The following PHLDB3 variants were observed in gnomAD, a reference collection of about 807,000 sequenced individuals.
PHLDB3 encodes the protein pleckstrin homology like domain family B member 3.
Under a neutral mutation model 85.7 loss-of-function variants are expected in PHLDB3, and 86 were observed. The ratio of observed to expected loss-of-function variants is 1.00; its 90% CI spans 0.84 to 1.20. The LOEUF is 1.20. Among genes scored for constraint, PHLDB3 ranks in the 50% most tolerant of loss-of-function variants. The pLI is 0.00. For synonymous variants in PHLDB3, 376 were observed against 349.8 expected (o/e 1.07, Z -0.83); for missense variants, 995 against 873.0 (o/e 1.14, Z -1.76).
chr19:43,477,515 TA>T (rs144903376), intron 15 of PHLDB3, among the ~76,000 whole-genome samples: 25,626 of 114,180 alleles, frequency 0.22, 2,585 homozygotes, highest in East Asian at 0.48. Flanking sequence ...AGACTCCATC[TA>T]AAAAAAAAAA....
intron 12 of PHLDB3, 123 bp from the exon 13 acceptor site, chr19:43,486,445 TGAGG>T (rs1971159181): frequency 1.6e-6 from 2 of 1,248,778 alleles, no homozygotes; most frequent in Non-Finnish European, 2.2e-6. Flanking sequence ...CTCCTGGGTA[TGAGG>T]GAGGATGGGC....
In PHLDB3 at chr19:43,486,649, T is replaced by G; in HGVS notation, c.1388A>C (p.Gln463Pro). 6.2e-7 allele frequency: 1 copy of G among 1,613,968 alleles called. No individual in the cohort carries two copies. The highest frequency in any genetic ancestry group is 8.5e-7 in the Non-Finnish European group (1 of 1,179,872). Residue 463 changes from glutamine (Q) to proline (P), a missense_variant, in exon 12 of 16, where the codon CAG becomes CCG. Transcript: ENST00000292140. Reference sequence around the variant, plus strand: ...CCGCTCCCTCTCCGCCATGGCCTGCTGCAGGAGCCGCTCCATGTGGGCAAT... The same window carrying G: ...CCGCTCCCTCTCCGCCATGGCCTGCGGCAGGAGCCGCTCCATGTGGGCAAT... ...PDIAHMERLL[Q>P]QAMAERERLL...
At chr19:43,492,956 A>G (rs971903480) in intron 9 of PHLDB3, among the ~76,000 whole-genome samples, 1 of 152,126 alleles carries the variant, frequency 6.6e-6, no homozygotes, top group African/African-American at 2.4e-5. Flanking sequence ...AATGTAAAAC[A>G]ATCTCCAAGA....
chr19:43,475,254 G>A lies in PHLDB3; in HGVS notation c.*156C>T. ...GGCACCTGCAACCCAGAACGCAGCA[G>A]CTCAGGCCAGCTGAACTGCCGCGCC... On this transcript the variant is annotated 3_prime_UTR_variant, in exon 16 of 16. Transcript: ENST00000292140. The A allele has an allele frequency of 9.3e-7, 1 of 1,076,326 alleles. No individual in the cohort carries two copies. Among genetic ancestry groups the A allele is most frequent in the Non-Finnish European group, 1.3e-6 (1 of 768,628 alleles). The allele number at this position is 1,076,326 out of a possible 1,614,324, so 66.7% of individuals were successfully genotyped here.
intron 13 of PHLDB3, among the ~76,000 whole-genome samples, chr19:43,485,230 TG>T (rs1474594489): frequency 6.6e-6 from 1 of 151,834 alleles, no homozygotes; most frequent in African/African-American, 2.4e-5. Flanking sequence ...TTTTTTTTTT[TG>T]AGACAGAATC....
In PHLDB3 at chr19:43,475,192, G is replaced by A; in HGVS notation, c.*218C>T. 1 of 563,612 alleles carries A rather than the reference G, an allele frequency of 1.8e-6. No homozygotes were observed. The highest frequency in any genetic ancestry group is 3.1e-6 in the Non-Finnish European group (1 of 323,724). The allele number at this position is 563,612 out of a possible 1,614,324, so 34.9% of individuals were successfully genotyped here. On this transcript the variant is annotated 3_prime_UTR_variant, in exon 16 of 16. Coordinates refer to ENST00000292140, the MANE Select transcript of PHLDB3 (RefSeq NM_198850.4). ...CCCTGCAATCTTCCTCCTGCCCCGG[G>A]CAGGGCCTTAGGGGCCGGCGATCCC...
intron 13 of PHLDB3, among the ~76,000 whole-genome samples, chr19:43,482,663 G>A (rs1035449147): frequency 1.3e-5 from 2 of 152,006 alleles, no homozygotes; most frequent in East Asian, 1.9e-4. Flanking sequence ...TCAGCCTCTC[G>A]GGTAGCTGTG....
intron 2 of PHLDB3, 103 bp downstream of exon 2, chr19:43,503,803 G>T: frequency 7.5e-7 from 1 of 1,341,240 alleles, no homozygotes; most frequent in South Asian, 1.3e-5. Context: ...CTGTCTCCGG[G>T]TCTCTGTCTT....
At chr19:43,490,491 T>C (rs1226408401) in intron 9 of PHLDB3, among the ~76,000 whole-genome samples, 2 of 151,982 alleles carry the variant, frequency 1.3e-5, no homozygotes, top group African/African-American at 4.8e-5. Flanking sequence ...AGGTAGAGGC[T>C]GCAGTGAGCC....
intron 6 of PHLDB3, chr19:43,495,880 T>C (rs1381528453): frequency 1.4e-5 from 6 of 434,054 alleles, no homozygotes; most frequent in South Asian, 5.5e-5. Context: ...AAGACAGAGA[T>C]GTAGACAAAG....
At chr19:43,487,574 CAA>C (rs760708749) in intron 9 of PHLDB3, among the ~76,000 whole-genome samples, 4 of 38,522 alleles carry the variant, frequency 1.0e-4, no homozygotes, top group East Asian at 7.6e-4. Flanking sequence ...GACTCTGTCT[CAA>C]AAAAAAAAAA....
At chr19:43,477,536 G>A (rs1233404091) in intron 15 of PHLDB3, among the ~76,000 whole-genome samples, 4 of 146,722 alleles carry the variant, frequency 2.7e-5, no homozygotes, top group African/African-American at 1.0e-4. Flanking sequence ...AAAGAGCCAC[G>A]TGTGGTGCGG....
intron 2 of PHLDB3, 125 bp from the exon 3 acceptor site, chr19:43,502,408 A>C: frequency 3.8e-6 from 3 of 788,260 alleles, no homozygotes; most frequent in Non-Finnish European, 5.7e-6. Context: ...ACCTAACACA[A>C]CCACCACTCC....
intron 9 of PHLDB3, among the ~76,000 whole-genome samples, chr19:43,490,930 C>T (rs367767945): frequency 2.0e-5 from 3 of 152,282 alleles, no homozygotes; most frequent in African/African-American, 7.2e-5. Context: ...ATCTCACTGC[C>T]CTTCCTGGGT....
intron 13 of PHLDB3, 127 bp from the exon 14 acceptor site, chr19:43,479,720 T>A: frequency 1.5e-6 from 1 of 649,166 alleles, no homozygotes; most frequent in Non-Finnish European, 2.7e-6. Flanking sequence ...AGGGTAATAT[T>A]AACTAGGACC....
chr19:43,503,364 G>A (rs1971665824), intron 2 of PHLDB3, among the ~76,000 whole-genome samples: 1 of 151,748 alleles, frequency 6.6e-6, no homozygotes, highest in Non-Finnish European at 1.5e-5. Context: ...GTGCAGTGGC[G>A]CAGTCATAGT....
At position 43,478,239 on chromosome 19, in the gene PHLDB3, A is replaced by G. The variant is rs996626781; in HGVS notation, c.1703-107T>C. 1.5e-5 allele frequency: 12 copies of G among 780,974 alleles called. No homozygotes were observed. The African/African-American group carries it at 1.9e-4, about 12-fold the overall frequency. The allele number at this position is 780,974 out of a possible 1,614,324, so 48.4% of individuals were successfully genotyped here. On this transcript the variant is annotated intron_variant, in intron 14 of 15. Transcript: ENST00000292140. ...GTCCTGAGACTGGATTTGGGTAAGAAACATGGTGACAAGAGTCTGAAGGTC... is the reference window on the plus strand; with the variant it reads ...GTCCTGAGACTGGATTTGGGTAAGAGACATGGTGACAAGAGTCTGAAGGTC...
chr19:43,491,805 T>C (rs34352751), intron 9 of PHLDB3, among the ~76,000 whole-genome samples: 25,885 of 151,138 alleles, frequency 0.17, 2,293 homozygotes, highest in Non-Finnish European at 0.19. Flanking sequence ...TAGCTGGGAC[T>C]AGGCTAATTT....
rs949796703 is a variant in PHLDB3 at position 43,504,142 on chromosome 19, G to T, written c.-14-10C>A. On this transcript the variant is annotated splice_polypyrimidine_tract_variant and intron_variant, in intron 1 of 15. Transcript: ENST00000292140. ...ATGGCCGCTGGGACTCCTGCGGGGT[G>T]GGCGGGACCAGAAGCTCCGGGGGCG... The T allele has an allele frequency of 6.4e-7, 1 of 1,563,578 alleles. No individual in the cohort carries two copies. The highest frequency in any genetic ancestry group is 8.6e-7 in the Non-Finnish European group (1 of 1,156,488).
Sources: gnomAD v4.1 joint callset for allele counts (sites outside exome capture counted in the v4.1 genomes callset) on GRCh38, gnomAD v4.1.1 for gene constraint, MANE v1.5 for transcripts, NCBI Gene and HGNC (gene_info 2026-07-23, HGNC 2026-07-21) for gene names.